Variants in ADAMTSL3 observed in about 807,000 individuals in gnomAD.
ADAMTSL3 encodes the protein ADAMTS like 3.
Under a neutral mutation model 201.7 loss-of-function variants are expected in ADAMTSL3, and 128 were observed. The ratio of observed to expected loss-of-function variants is 0.63; its 90% CI spans 0.55 to 0.73. The LOEUF is 0.73. Ranked by LOEUF, ADAMTSL3 falls within the 30% of genes least tolerant of loss-of-function variation. The pLI, the probability that ADAMTSL3 is intolerant of heterozygous loss-of-function variation, is 0.00. For missense variants in ADAMTSL3, 1,990 were observed against 2,119.6 expected, an observed-to-expected ratio of 0.94 and a Z score of 1.20; for synonymous variants, 738 against 748.4, an observed-to-expected ratio of 0.99 and a Z score of 0.23.
At chr15:83,852,372 T>G (rs1434831272) in intron 7 of ADAMTSL3, among the ~76,000 whole-genome samples, 1 of 152,110 alleles carries the variant, frequency 6.6e-6, no homozygotes, top group Non-Finnish European at 1.5e-5. Context: ...CCTCAGCCTC[T>G]TAAAGTGCTG....
chr15:83,844,754 G>A (rs561637954), intron 7 of ADAMTSL3, among the ~76,000 whole-genome samples: 1 of 152,226 alleles, frequency 6.6e-6, no homozygotes, highest in Non-Finnish European at 1.5e-5. Flanking sequence ...TTGTCTTCTG[G>A]CCCTGTGCAT....
Position 83,850,034 on chromosome 15 carries a change from C to T in ADAMTSL3, c.728-8732C>T, listed in dbSNP as rs530109627. The stretch of plus-strand genomic sequence containing the variant: ...AACATTGCATGGTGAGGAAATATAC[C>T]TTCTTTTCAAACATTTATGCACCAT... On this transcript the variant is annotated intron_variant, in intron 7 of 29. Transcript: ENST00000286744. Among the ~76,000 whole-genome samples, 525 of 152,088 alleles carry T rather than the reference C, an allele frequency of 3.5e-3. 2 individuals are homozygous for T. The highest frequency in any genetic ancestry group is 0.012 in the African/African-American group (502 of 41,498).
rs1232071482 is a variant in ADAMTSL3, at chr15:83,654,386, C to G, written c.-34+110C>G. The G allele has an allele frequency of 1.3e-5, 2 of 152,532 alleles. No individual in the cohort carries two copies. The highest frequency in any genetic ancestry group is 1.3e-4 in the Admixed American group (2 of 15,288). 9.4% of individuals were successfully genotyped at this position (152,532 alleles called of 1,614,324 possible). ...GCCTCTCTAAGCAAGTTGGGGGTCTCCAAGCAGAGTCGGGGCGTGCCACGC... is the reference window on the plus strand; with the variant it reads ...GCCTCTCTAAGCAAGTTGGGGGTCTGCAAGCAGAGTCGGGGCGTGCCACGC... On this transcript the variant is annotated intron_variant, in intron 1 of 29. Coordinates refer to ENST00000286744, the MANE Select transcript of ADAMTSL3 (RefSeq NM_207517.3). The surrounding 1 kb of genome is among the most constrained non-coding windows in gnomAD (Gnocchi z 5.3).
At chr15:83,699,620 TAC>T (rs1300687607) in intron 2 of ADAMTSL3, among the ~76,000 whole-genome samples, 1 of 152,236 alleles carries the variant, frequency 6.6e-6, no homozygotes, top group Non-Finnish European at 1.5e-5. Flanking sequence ...TCCGTCTCCT[TAC>T]CATAAGGCTT....
chr15:83,913,687 G>T (rs1845982119), intron 16 of ADAMTSL3, among the ~76,000 whole-genome samples: 1 of 152,172 alleles, frequency 6.6e-6, no homozygotes, highest in Non-Finnish European at 1.5e-5. Context: ...AGGCAATCTT[G>T]TTCATAAAGC....
At chr15:83,706,053 T>G (rs1891537642) in intron 3 of ADAMTSL3, among the ~76,000 whole-genome samples, 1 of 152,178 alleles carries the variant, frequency 6.6e-6, no homozygotes, top group South Asian at 2.1e-4. Context: ...ACTTTCTGCC[T>G]TCCCCCTTCC....
chr15:83,714,461 G>T (rs2061972676), intron 3 of ADAMTSL3, among the ~76,000 whole-genome samples: 1 of 152,102 alleles, frequency 6.6e-6, no homozygotes. Context: ...TGCATAAATT[G>T]TCCTGTTTGC....
chr15:84,037,766 G>T lies in ADAMTSL3; in HGVS notation c.5036G>T (p.Arg1679Leu), dbSNP rs11857906. ...CATCTTAATTTGTGTTCTCTAGACC[G>T]CTACAAACAAAGGTGCTGCCAGTCA... is the stretch of plus-strand genomic sequence containing the variant. ...VKHLNLCSLD[R>L]YKQRCCQSCQ... The change falls in exon 30 of 30, where the codon CGC (arginine) becomes CTC (leucine). Residue 1679 changes from arginine to leucine, a missense_variant. Coordinates refer to ENST00000286744, the MANE Select transcript of ADAMTSL3 (RefSeq NM_207517.3). 2 of 1,613,776 alleles carry T rather than the reference G, an allele frequency of 1.2e-6. No individual in the cohort carries two copies. The highest frequency in any genetic ancestry group is 1.1e-5 in the South Asian group (1 of 90,992).
intron 6 of ADAMTSL3, among the ~76,000 whole-genome samples, chr15:83,822,365 G>A (rs1488870455): frequency 1.3e-5 from 2 of 149,470 alleles, no homozygotes; most frequent in Non-Finnish European, 3.0e-5. Flanking sequence ...AGACGGGGCG[G>A]CTGCCGGGCG....
chr15:83,830,354 T>C (rs1407440695), intron 6 of ADAMTSL3, among the ~76,000 whole-genome samples: 1 of 152,166 alleles, frequency 6.6e-6, no homozygotes, highest in Admixed American at 6.5e-5. Flanking sequence ...GTGCCCATAA[T>C]TGAAGGAACT....
At chr15:84,017,655 C>T (rs1463993982) in intron 25 of ADAMTSL3, among the ~76,000 whole-genome samples, 2 of 152,206 alleles carry the variant, frequency 1.3e-5, no homozygotes, top group African/African-American at 2.4e-5. Flanking sequence ...CAATCCATCA[C>T]GTTACTTATG....
intron 24 of ADAMTSL3, 32 bp downstream of exon 24, chr15:84,014,756 G>T: frequency 6.3e-7 from 1 of 1,578,142 alleles, no homozygotes; most frequent in Non-Finnish European, 8.6e-7. Context: ...CTCCTTAAGT[G>T]CCTCCTGTAA....
chr15:83,912,388 C>A (rs1431971731), intron 15 of ADAMTSL3, among the ~76,000 whole-genome samples: 2 of 152,104 alleles, frequency 1.3e-5, no homozygotes, highest in East Asian at 1.9e-4. Context: ...CATTTAAAAA[C>A]ATAAAAATGA....
chr15:83,733,950 G>A (rs181891205), intron 3 of ADAMTSL3, among the ~76,000 whole-genome samples: 168 of 152,242 alleles, frequency 1.1e-3, no homozygotes, highest in Non-Finnish European at 1.9e-3. Context: ...CTGGAGTGGC[G>A]TATAAGGAAT....
chr15:83,911,383 TTCAAGAGAAGAC>T (rs1327212732), intron 15 of ADAMTSL3, among the ~76,000 whole-genome samples: 2 of 152,348 alleles, frequency 1.3e-5, no homozygotes, highest in African/African-American at 4.8e-5. Flanking sequence ...TTTAACAGTC[TTCAAGAGAAGAC>T]TGTTATCAGT....
chr15:83,843,164 C>G (rs917247493), intron 7 of ADAMTSL3, among the ~76,000 whole-genome samples: 1 of 152,126 alleles, frequency 6.6e-6, no homozygotes, highest in African/African-American at 2.4e-5. Context: ...CCCACATTTG[C>G]CATTCTGATT....
intron 23 of ADAMTSL3, among the ~76,000 whole-genome samples, chr15:84,004,455 A>C (rs1018313952): frequency 6.6e-6 from 1 of 152,224 alleles, no homozygotes; most frequent in African/African-American, 2.4e-5. Flanking sequence ...ACTCTTCCTC[A>C]GGAATTAGTG....
chr15:83,718,766 A>C (rs2062055054), intron 3 of ADAMTSL3, among the ~76,000 whole-genome samples: 1 of 152,170 alleles, frequency 6.6e-6, no homozygotes, highest in Admixed American at 6.6e-5. Context: ...TAAGCATGTC[A>C]ACTATGTTTA....
At chr15:83,797,455 G>A (rs181120758) in intron 4 of ADAMTSL3, among the ~76,000 whole-genome samples, 15 of 152,076 alleles carry the variant, frequency 9.9e-5, no homozygotes, top group African/African-American at 3.6e-4. Context: ...ACAAAAATTA[G>A]CCTGGTGTGG....
Sources: gnomAD v4.1 joint callset for allele counts (sites outside exome capture counted in the v4.1 genomes callset) on GRCh38, gnomAD v4.1.1 for gene constraint, Gnocchi (gnomAD v3.1) non-coding constraint, MANE v1.5 for transcripts, NCBI Gene and HGNC (gene_info 2026-07-23, HGNC 2026-07-21) for gene names.